LRIG2: variants seen among roughly 807,000 people sequenced by gnomAD.
LRIG2 encodes leucine rich repeats and immunoglobulin like domains 2, also known as leucine-rich repeats and immunoglobulin-like domains protein 2.
A neutral mutation model predicts 107.8 loss-of-function variants in LRIG2; 93 were observed. The ratio of observed to expected loss-of-function variants is 0.86; its 90% CI spans 0.73 to 1.03. The LOEUF (loss-of-function observed/expected upper bound fraction) is 1.03, where lower values mean the gene tolerates loss of function less well. LRIG2 is among the 50% of genes least tolerant of loss of function. The pLI, the probability that LRIG2 is intolerant of heterozygous loss-of-function variation, is 0.00. For missense variants in LRIG2, 1,226 were observed against 1,296.0 expected (o/e 0.95, Z 0.83); for synonymous variants, 471 against 470.6 (o/e 1.00, Z -0.01).
At position 113,107,860 on chromosome 1, in the gene LRIG2, C is replaced by T. The variant is rs1654604312; in HGVS notation, c.1477+103C>T. ...GTTTTCCACTAGGAATTTTTGTAAT[C>T]ATACAGTTTTAATTGCCATTAAAAA... On this transcript the variant is annotated intron_variant, in intron 12 of 17. Transcript: ENST00000361127. 2.9e-6 allele frequency: 3 copies of T among 1,035,792 alleles called. No individual in the cohort carries two copies. The African/African-American group carries it at 5.0e-5, about 17-fold the overall frequency. 64.2% of individuals were successfully genotyped at this position (1,035,792 alleles called of 1,614,324 possible). A position where few individuals can be genotyped will look rare whatever the true frequency, so the allele number is the denominator to read the frequency against.
intron 1 of LRIG2, among the ~76,000 whole-genome samples, chr1:113,086,415 C>G (rs868426301): frequency 2.0e-5 from 3 of 152,098 alleles, no homozygotes; most frequent in African/African-American, 4.8e-5. Flanking sequence ...ACTGTCATAC[C>G]CAAAATATTA....
rs554427505 is a variant in LRIG2, at chr1:113,116,164, C to T, written c.2531-123C>T. The T allele has an allele frequency of 3.7e-5, 23 of 619,376 alleles. No homozygotes were observed. In the South Asian group the frequency reaches 3.8e-4, roughly 10 times the overall value. 38.4% of individuals were successfully genotyped at this position (619,376 alleles called of 1,614,324 possible). ...TTAGGGGAAGTACCAAGAGCTGTTG[C>T]GGTCCTAGGTACGTACAGTTTTTCT... is the stretch of plus-strand genomic sequence containing the variant. On this transcript the variant is annotated intron_variant, in intron 15 of 17. Transcript: ENST00000361127.
intron 17 of LRIG2, among the ~76,000 whole-genome samples, chr1:113,121,982 T>TATTA (rs1180662606): frequency 6.6e-6 from 1 of 151,972 alleles, no homozygotes; most frequent in Non-Finnish European, 1.5e-5. Context: ...GGCAGAGACT[T>TATTA]ATTAATTAAT....
chr1:113,082,588 TGAGA>T (rs752239215), intron 1 of LRIG2, among the ~76,000 whole-genome samples: 1 of 151,820 alleles, frequency 6.6e-6, no homozygotes, highest in Admixed American at 6.6e-5. Flanking sequence ...AAAGCAGGAG[TGAGA>T]GAGAGAGTTG....
intron 17 of LRIG2, 142 bp from the exon 18 acceptor site, chr1:113,123,733 G>T (rs61817905): frequency 0.12 from 55,256 of 445,870 alleles, 1,248 homozygotes; most frequent in East Asian, 0.24. Flanking sequence ...GTTTTTGTGT[G>T]TGTGTGTGTG....
chr1:113,097,924 G>A (rs1319753776), intron 8 of LRIG2, among the ~76,000 whole-genome samples: 3 of 130,780 alleles, frequency 2.3e-5, no homozygotes, highest in South Asian at 2.7e-4. Flanking sequence ...CTTAAAGAAA[G>A]CTAAGTGAAA....
rs1294233652 is a variant in LRIG2, at chr1:113,124,903, G to A, written c.*802G>A. On this transcript the variant is annotated 3_prime_UTR_variant, in exon 18 of 18. Coordinates refer to ENST00000361127, the MANE Select transcript of LRIG2 (RefSeq NM_014813.3). ...AGTATAAAAACTGTGGCTCACACCT[G>A]TAATCCCAGCATTTTGAGAGGCTAA... 1.3e-5 allele frequency: 2 copies of A among 152,102 alleles called. No homozygotes were observed. The highest frequency in any genetic ancestry group is 2.9e-5 in the Non-Finnish European group (2 of 68,022). The allele number at this position is 152,102 out of a possible 1,614,324, so 9.4% of individuals were successfully genotyped here.
intron 1 of LRIG2, among the ~76,000 whole-genome samples, chr1:113,077,508 T>TTATA (rs369005370): frequency 6.6e-6 from 1 of 152,208 alleles, no homozygotes; most frequent in Non-Finnish European, 1.5e-5. Context: ...ATTTATTGAA[T>TTATA]TATATATATA....
intron 1 of LRIG2, among the ~76,000 whole-genome samples, chr1:113,089,219 G>A (rs555898981): frequency 6.6e-6 from 1 of 152,324 alleles, no homozygotes; most frequent in South Asian, 2.1e-4. Flanking sequence ...TCTGTAATGT[G>A]TCCCTGTTGC....
chr1:113,096,100 T>A, intron 7 of LRIG2, 83 bp downstream of exon 7: 1 of 1,586,580 alleles, frequency 6.3e-7, no homozygotes, highest in Non-Finnish European at 8.6e-7. Context: ...AGTAATGAGA[T>A]GTAACATCCC....
At chr1:113,105,900 C>T (rs1021368124) in intron 11 of LRIG2, among the ~76,000 whole-genome samples, 2 of 152,150 alleles carry the variant, frequency 1.3e-5, no homozygotes, top group African/African-American at 4.8e-5. Flanking sequence ...CAACTTTGAA[C>T]AGTTGAACAA....
chr1:113,096,034 A>C lies in LRIG2; in HGVS notation c.947+17A>C. 6.2e-7 allele frequency: 1 copy of C among 1,613,952 alleles called. No homozygotes were observed. Among genetic ancestry groups the C allele is most frequent in the Non-Finnish European group, 8.5e-7 (1 of 1,179,830 alleles). ...ATCCGAACTGTAAGTGTTGGATAGCATTTCACTGGAGGCAGTTAAGACTAG... is the reference window on the plus strand; with the variant it reads ...ATCCGAACTGTAAGTGTTGGATAGCCTTTCACTGGAGGCAGTTAAGACTAG... On this transcript the variant is annotated intron_variant, in intron 7 of 17. Transcript: ENST00000361127.
Position 113,094,431 on chromosome 1 carries a change from G to T in LRIG2, c.608G>T (p.Arg203Leu). The T allele has an allele frequency of 6.2e-7, 1 of 1,613,204 alleles. No individual in the cohort carries two copies. Among genetic ancestry groups the T allele is most frequent in the Non-Finnish European group, 8.5e-7 (1 of 1,179,822 alleles). ...TTAGTGGTAAAGTTAAACCGTAACC[G>T]AATGAGCATGATTCCACCTAAGATC... ...SLLVVKLNRN[R>L]MSMIPPKIFK... Residue 203 changes from arginine (R) to leucine (L), a missense_variant, in exon 5 of 18, where the codon CGA becomes CTA. Arg to Leu is a moderately radical substitution (Grantham distance 102). Coordinates refer to ENST00000361127, the MANE Select transcript of LRIG2 (RefSeq NM_014813.3).
chr1:113,097,497 G>A (rs1654117918), intron 8 of LRIG2, among the ~76,000 whole-genome samples: 1 of 152,132 alleles, frequency 6.6e-6, no homozygotes, highest in Non-Finnish European at 1.5e-5. Context: ...ATTTGGCCTT[G>A]AAAAATTAAA....
At chr1:113,079,070 T>C (rs1653128403) in intron 1 of LRIG2, among the ~76,000 whole-genome samples, 1 of 152,000 alleles carries the variant, frequency 6.6e-6, no homozygotes, top group African/African-American at 2.4e-5. Flanking sequence ...TGTGACCTGG[T>C]GCGGTGGCTC....
Position 113,114,595 on chromosome 1 carries a change from T to C in LRIG2, c.2249T>C (p.Leu750Pro), listed in dbSNP as rs1044229174. 1.2e-6 allele frequency: 2 copies of C among 1,614,022 alleles called. No homozygotes were observed. The highest frequency in any genetic ancestry group is 1.7e-6 in the Non-Finnish European group (2 of 1,180,022). Residue 750 changes from leucine (L) to proline (P), a missense_variant, in exon 15 of 18, where the codon CTT becomes CCT. Coordinates refer to ENST00000361127, the MANE Select transcript of LRIG2 (RefSeq NM_014813.3). ...CATTTCTTTGCTGCAGCCAATCAGC[T>C]TCTCATCATTGTAGATGCCGGGCTA... ...ERHFFAAANQ[L>P]LIIVDAGLED...
intron 8 of LRIG2, 138 bp downstream of exon 8, chr1:113,096,503 C>A: frequency 1.2e-6 from 1 of 856,416 alleles, no homozygotes; most frequent in Non-Finnish European, 1.8e-6. Flanking sequence ...TGCCTCAGAG[C>A]AAGGCAGTCT....
At chr1:113,123,650 A>G (rs1019675306) in intron 17 of LRIG2, among the ~76,000 whole-genome samples, 3 of 150,986 alleles carry the variant, frequency 2.0e-5, no homozygotes, top group African/African-American at 7.4e-5. Context: ...TAGACGATAT[A>G]TAGTATGATC....
chr1:113,092,181 G>A (rs2101032889), intron 2 of LRIG2, among the ~76,000 whole-genome samples: 1 of 152,332 alleles, frequency 6.6e-6, no homozygotes, highest in Admixed American at 6.5e-5. Context: ...TCAGTGGGAA[G>A]TGCATGAGCT....
Sources: allele counts gnomAD v4.1 joint callset (sites outside exome capture counted in the v4.1 genomes callset), GRCh38; gene constraint gnomAD v4.1.1; transcripts MANE v1.5; gene names NCBI Gene and HGNC (gene_info 2026-07-23, HGNC 2026-07-21).